The following RERG variants were observed in gnomAD, a reference collection of about 807,000 sequenced individuals.
RERG encodes the protein ras-related and estrogen-regulated growth inhibitor.
A neutral mutation model predicts 23.2 loss-of-function variants in RERG; 25 were observed. That is an observed-to-expected ratio of 1.08 (90% CI 0.79 to 1.50). RERG has a LOEUF of 1.50. Ranked by LOEUF, RERG falls within the 40% of genes most tolerant of loss-of-function variation. The pLI, the probability that RERG is intolerant of heterozygous loss-of-function variation, is 0.00. For synonymous variants in RERG, 81 were observed against 89.1 expected, an observed-to-expected ratio of 0.91 and a Z score of 0.51; for missense variants, 253 against 250.1, an observed-to-expected ratio of 1.01 and a Z score of -0.08.
chr12:15,189,257 G>C (rs997901139), intron 2 of RERG, among the ~76,000 whole-genome samples: 9 of 152,080 alleles, frequency 5.9e-5, no homozygotes, highest in African/African-American at 2.2e-4. Context: ...ATAGTGACCT[G>C]CAAGAAGCTA....
At chr12:15,213,823 C>A (rs1865401738) in intron 2 of RERG, among the ~76,000 whole-genome samples, 1 of 152,178 alleles carries the variant, frequency 6.6e-6, no homozygotes. Flanking sequence ...CTGCCACATA[C>A]CAGAAGCACT....
rs748529863 is a variant in RERG, at chr12:15,221,369, C to CG, written c.-290dup. 6.6e-6 allele frequency: 1 copy of CG among 152,272 alleles called. No homozygotes were observed. Among genetic ancestry groups the CG allele is most frequent in the Admixed American group, 6.5e-5 (1 of 15,286 alleles). The allele number at this position is 152,272 out of a possible 1,614,324, so 9.4% of individuals were successfully genotyped here. A position where few individuals can be genotyped will look rare whatever the true frequency, so the allele number is the denominator to read the frequency against. On this transcript the variant is annotated 5_prime_UTR_variant, in exon 1 of 5. Transcript: ENST00000256953. ...GCAGAAGCAAGTGCCAGTGGCCCGG[C>CG]GGGGGTCTCCTCACTCGCGCTCGCT...
chr12:15,124,000 T>A (rs1370754242), intron 2 of RERG, among the ~76,000 whole-genome samples: 1 of 152,206 alleles, frequency 6.6e-6, no homozygotes, highest in Non-Finnish European at 1.5e-5. Context: ...ATTTACAACC[T>A]ACTTGGCTAA....
intron 2 of RERG, among the ~76,000 whole-genome samples, chr12:15,139,406 T>C (rs1864198309): frequency 6.6e-6 from 1 of 152,144 alleles, no homozygotes; most frequent in African/African-American, 2.4e-5. Flanking sequence ...ATAGGTTAAG[T>C]TGGGAAGAAC....
At chr12:15,177,942 A>G (rs1558792) in intron 2 of RERG, among the ~76,000 whole-genome samples, 10,631 of 151,692 alleles carry the variant, frequency 0.07, 497 homozygotes, top group East Asian at 0.25. Context: ...CCAGAGGCAC[A>G]GAGCACACAG....
At chr12:15,201,845 G>T (rs1035549651) in intron 2 of RERG, among the ~76,000 whole-genome samples, 1 of 151,586 alleles carries the variant, frequency 6.6e-6, no homozygotes, top group Non-Finnish European at 1.5e-5. Context: ...GCATGTTACA[G>T]CAGAGGAGAC....
chr12:15,160,895 G>A (rs761506938), intron 2 of RERG, among the ~76,000 whole-genome samples: 1 of 151,676 alleles, frequency 6.6e-6, no homozygotes, highest in African/African-American at 2.4e-5. Context: ...CCAGCACTTC[G>A]GGAGGCCGAG....
At chr12:15,120,495 T>A (rs78598718) in intron 3 of RERG, among the ~76,000 whole-genome samples, 1 of 149,312 alleles carries the variant, frequency 6.7e-6, no homozygotes. Flanking sequence ...ACAAAGAAAT[T>A]AAAAAAAAAA....
chr12:15,192,445 T>C (rs908035539), intron 2 of RERG, among the ~76,000 whole-genome samples: 1 of 152,186 alleles, frequency 6.6e-6, no homozygotes, highest in Admixed American at 6.6e-5. Context: ...AGGGTTAAAA[T>C]GTATTTTAAA....
intron 1 of RERG, among the ~76,000 whole-genome samples, chr12:15,220,992 C>T (rs939093974): frequency 5.3e-5 from 8 of 152,152 alleles, no homozygotes; most frequent in Non-Finnish European, 1.0e-4. Flanking sequence ...GTCAAAAGGG[C>T]ATTTTCCCTC....
At chr12:15,157,485 A>G (rs1861605) in intron 2 of RERG, among the ~76,000 whole-genome samples, 151,650 of 152,332 alleles carry the variant, frequency 1, 75,486 homozygotes, top group East Asian at 1. Flanking sequence ...CTTGGGAAAC[A>G]ACCATGAAAA....
intron 2 of RERG, among the ~76,000 whole-genome samples, chr12:15,192,304 G>A (rs1865082834): frequency 6.6e-6 from 1 of 152,142 alleles, no homozygotes; most frequent in Admixed American, 6.6e-5. Context: ...CCCAGAAGCA[G>A]GTGCTGCTAC....
At chr12:15,186,407 A>G (rs1004051557) in intron 2 of RERG, among the ~76,000 whole-genome samples, 3 of 152,086 alleles carry the variant, frequency 2.0e-5, no homozygotes, top group African/African-American at 7.2e-5. Flanking sequence ...AAAAATGTAC[A>G]TTTAATTCTA....
chr12:15,194,682 G>A (rs1865118668), intron 2 of RERG, among the ~76,000 whole-genome samples: 1 of 152,082 alleles, frequency 6.6e-6, no homozygotes, highest in Non-Finnish European at 1.5e-5. Flanking sequence ...CAGATGCCAA[G>A]AAAGGAGTTC....
intron 2 of RERG, among the ~76,000 whole-genome samples, chr12:15,202,960 T>G (rs1290119159): frequency 6.6e-6 from 1 of 151,710 alleles, no homozygotes; most frequent in East Asian, 1.9e-4. Context: ...CATCAACACT[T>G]CTTGTCTTTT....
At chr12:15,150,347 T>C (rs923349098) in intron 2 of RERG, among the ~76,000 whole-genome samples, 1 of 152,224 alleles carries the variant, frequency 6.6e-6, no homozygotes, top group African/African-American at 2.4e-5. Flanking sequence ...TGAAACTTTA[T>C]AGACCGTCAA....
chr12:15,193,334 T>C (rs1345429892), intron 2 of RERG, among the ~76,000 whole-genome samples: 1 of 152,184 alleles, frequency 6.6e-6, no homozygotes, highest in African/African-American at 2.4e-5. Flanking sequence ...TTGCTTAAAC[T>C]GTATAACTCC....
At chr12:15,148,829 T>G (rs976988439) in intron 2 of RERG, among the ~76,000 whole-genome samples, 3 of 149,282 alleles carry the variant, frequency 2.0e-5, no homozygotes, top group African/African-American at 7.4e-5. Flanking sequence ...TTAAATTCAT[T>G]TGCAGTCCTT....
intron 2 of RERG, among the ~76,000 whole-genome samples, chr12:15,160,519 C>A (rs1322100359): frequency 1.3e-5 from 2 of 152,130 alleles, no homozygotes; most frequent in East Asian, 1.9e-4. Context: ...GATTTGTTAA[C>A]CTTTCAATCT....
Sources: allele counts gnomAD v4.1 joint callset (sites outside exome capture counted in the v4.1 genomes callset), GRCh38; gene constraint gnomAD v4.1.1; transcripts MANE v1.5; gene names NCBI Gene and HGNC (gene_info 2026-07-23, HGNC 2026-07-21).